Variants in ZNF474 observed in about 807,000 individuals in gnomAD.
ZNF474 encodes the protein 4933409D10Rik.
For missense variants in ZNF474, 511 were observed against 433.8 expected, an observed-to-expected ratio of 1.18 and a Z score of -1.58; for synonymous variants, 192 against 162.2, an observed-to-expected ratio of 1.18 and a Z score of -1.39.
chr5:122,152,278 A>C lies in ZNF474; in HGVS notation c.288A>C (p.Val96=), dbSNP rs771454858. 6.2e-6 allele frequency: 10 copies of C among 1,614,202 alleles called. No homozygotes were observed. The highest frequency in any genetic ancestry group is 7.6e-6 in the Non-Finnish European group (9 of 1,180,032). ...CGGCCCGCAGGCCTGGATTCCGGGT[A>C]TGCTATATCTGTGGCCGAGAATTTG... ...VIPARRPGFR[V]CYICGREFGS... The change falls in exon 2 of 2, where the codon GTA becomes GTC. Residue 96 remains valine, a synonymous_variant. Coordinates refer to ENST00000296600, the MANE Select transcript of ZNF474 (RefSeq NM_207317.3).
Position 122,153,121 on chromosome 5 carries a change from C to T in ZNF474, c.*36C>T, listed in dbSNP as rs754672080. ...GAAAACTATCCCCAGAATCAGCCAC[C>T]TCAGCCCCTAGTATTTTTTCTATCA... is the stretch of plus-strand genomic sequence containing the variant. On this transcript the variant is annotated 3_prime_UTR_variant, in exon 2 of 2. Transcript: ENST00000296600. 1.9e-6 allele frequency: 3 copies of T among 1,564,012 alleles called. No homozygotes were observed. The highest frequency in any genetic ancestry group is 2.6e-6 in the Non-Finnish European group (3 of 1,157,722).
At chr5:122,148,762 G>A (rs1308320937) in intron 1 of ZNF474, among the ~76,000 whole-genome samples, 1 of 151,416 alleles carries the variant, frequency 6.6e-6, no homozygotes, top group Admixed American at 6.6e-5. Context: ...TTGAGATGGA[G>A]TTTCACTCTT....
At position 122,153,384 on chromosome 5, in the gene ZNF474, A is replaced by G. The variant is rs939934445; in HGVS notation, c.*299A>G. ...AATGAGTCATTAATGCTGTGTCTACATTACAGAGATATAATTCCCATTCCA... is the reference window on the plus strand; with the variant it reads ...AATGAGTCATTAATGCTGTGTCTACGTTACAGAGATATAATTCCCATTCCA... On this transcript the variant is annotated 3_prime_UTR_variant, in exon 2 of 2. Transcript: ENST00000296600. 3.1e-6 allele frequency: 1 copy of G among 320,722 alleles called. No homozygotes were observed. Among genetic ancestry groups the G allele is most frequent in the Non-Finnish European group, 6.0e-6 (1 of 166,454 alleles). 19.9% of individuals were successfully genotyped at this position (320,722 alleles called of 1,614,324 possible). A position where few individuals can be genotyped will look rare whatever the true frequency, so the allele number is the denominator to read the frequency against.
intron 1 of ZNF474, among the ~76,000 whole-genome samples, chr5:122,150,812 A>T (rs536453204): frequency 1.1e-4 from 16 of 152,248 alleles, no homozygotes; most frequent in African/African-American, 3.9e-4. Flanking sequence ...TTTTATATTT[A>T]AAAATATTTG....
intron 1 of ZNF474, among the ~76,000 whole-genome samples, chr5:122,132,615 A>G (rs1193184594): frequency 6.6e-6 from 1 of 151,934 alleles, no homozygotes; most frequent in African/African-American, 2.4e-5. Flanking sequence ...AAGTTTTATC[A>G]TTTTTGCTTT....
chr5:122,141,170 A>ATTTTATTTTATT (rs1167769955), intron 1 of ZNF474, among the ~76,000 whole-genome samples: 2 of 18,038 alleles, frequency 1.1e-4, no homozygotes, highest in Admixed American at 6.4e-4. Flanking sequence ...ATTTTATTTT[A>ATTTTATTTTATT]TTTTTGGAAA....
At chr5:122,146,065 G>A (rs191884887) in intron 1 of ZNF474, among the ~76,000 whole-genome samples, 181 of 152,226 alleles carry the variant, frequency 1.2e-3, no homozygotes, top group Admixed American at 3.7e-3. Flanking sequence ...AGTGTTGCTG[G>A]AATAATGCTC....
intron 1 of ZNF474, among the ~76,000 whole-genome samples, chr5:122,142,229 A>G (rs1051319442): frequency 2.6e-5 from 4 of 152,232 alleles, no homozygotes; most frequent in Non-Finnish European, 4.4e-5. Flanking sequence ...AGTGAAATAG[A>G]ACACAGAAGA....
At chr5:122,132,607 G>T (rs866441657) in intron 1 of ZNF474, among the ~76,000 whole-genome samples, 7 of 151,922 alleles carry the variant, frequency 4.6e-5, no homozygotes, top group African/African-American at 1.7e-4. Context: ...TCTTCTTAAA[G>T]TTTTATCATT....
intron 1 of ZNF474, among the ~76,000 whole-genome samples, chr5:122,138,690 T>C (rs921456214): frequency 6.6e-6 from 1 of 152,302 alleles, no homozygotes; most frequent in Admixed American, 6.5e-5. Flanking sequence ...GATTAATTAC[T>C]AAATGAAGAT....
At position 122,152,904 on chromosome 5, in the gene ZNF474, G is replaced by T; in HGVS notation, c.914G>T (p.Ser305Ile). Residue 305 changes from serine to isoleucine, a missense_variant, in exon 2 of 2, where the codon AGT becomes ATT. Physicochemically the swap from Ser to Ile is moderately radical, Grantham distance 142. Coordinates refer to ENST00000296600, the MANE Select transcript of ZNF474 (RefSeq NM_207317.3). ...TSDRLLVHQR[S>I]CKTHPYGPKY... ...GACCGCCTCCTGGTACACCAGAGAA[G>T]TTGTAAAACTCATCCTTATGGGCCA... is the stretch of plus-strand genomic sequence containing the variant. 1.2e-6 allele frequency: 2 copies of T among 1,613,854 alleles called. No individual in the cohort carries two copies. Among genetic ancestry groups the T allele is most frequent in the Non-Finnish European group, 1.7e-6 (2 of 1,180,034 alleles).
At chr5:122,141,814 C>T (rs929888003) in intron 1 of ZNF474, among the ~76,000 whole-genome samples, 2 of 152,096 alleles carry the variant, frequency 1.3e-5, no homozygotes, top group African/African-American at 4.8e-5. Context: ...TCAAGAGGTG[C>T]CTGCATTTTT....
rs765589849 is a variant in ZNF474, at chr5:122,152,710, G to A, written c.720G>A (p.Glu240=). The part of the protein sequence containing the change: ...EFGTLSLPIH[E]PKCLEKWKME... ...GCACCCTGTCCCTTCCTATTCATGA[G>A]CCCAAATGCCTGGAAAAGTGGAAAA... is the stretch of plus-strand genomic sequence containing the variant. Residue 240 remains glutamate (E), a synonymous_variant, in exon 2 of 2, where the codon GAG becomes GAA. Coordinates refer to ENST00000296600, the MANE Select transcript of ZNF474 (RefSeq NM_207317.3). 7 of 1,613,998 alleles carry A rather than the reference G, an allele frequency of 4.3e-6. No homozygotes were observed. The highest frequency in any genetic ancestry group is 4.0e-5 in the African/African-American group (3 of 74,890).
At chr5:122,149,885 CTGTGTGTG>C (rs35051222) in intron 1 of ZNF474, among the ~76,000 whole-genome samples, 2 of 141,482 alleles carry the variant, frequency 1.4e-5, no homozygotes, top group African/African-American at 5.4e-5. Flanking sequence ...AGAATTGACT[CTGTGTGTG>C]TGTGTGTGTG....
intron 1 of ZNF474, among the ~76,000 whole-genome samples, chr5:122,135,617 G>A (rs1295695809): frequency 6.6e-6 from 1 of 152,124 alleles, no homozygotes; most frequent in Non-Finnish European, 1.5e-5. Flanking sequence ...ACTACAATAT[G>A]ATCCAGCAAA....
intron 1 of ZNF474, among the ~76,000 whole-genome samples, chr5:122,140,296 G>T (rs1479603289): frequency 2.0e-5 from 3 of 152,128 alleles, no homozygotes; most frequent in Admixed American, 6.6e-5. Context: ...TAAAACTGAG[G>T]ATTCTGACTT....
chr5:122,139,045 T>C (rs1324645825), intron 1 of ZNF474, among the ~76,000 whole-genome samples: 1 of 152,226 alleles, frequency 6.6e-6, no homozygotes, highest in East Asian at 1.9e-4. Flanking sequence ...TCAAAAGTAC[T>C]AAATGATTGT....
chr5:122,141,570 G>T (rs993939623), intron 1 of ZNF474, among the ~76,000 whole-genome samples: 1 of 152,008 alleles, frequency 6.6e-6, no homozygotes, highest in Non-Finnish European at 1.5e-5. Flanking sequence ...GCCTCCCAAA[G>T]TGCTGGGATT....
rs1357610789 is a variant in ZNF474 at position 122,129,673 on chromosome 5, A to G, written c.-223A>G. 1.3e-5 allele frequency: 2 copies of G among 152,284 alleles called. No homozygotes were observed. Among genetic ancestry groups the G allele is most frequent in the African/African-American group, 4.8e-5 (2 of 41,462 alleles). 9.4% of individuals were successfully genotyped at this position (152,284 alleles called of 1,614,324 possible). On this transcript the variant is annotated 5_prime_UTR_variant, in exon 1 of 2. Transcript: ENST00000296600. ...TGCTCAGCATGCCATGCTAAAAGGCAAAATAAAAAGGTAAAGAACAAATGT... is the reference window on the plus strand; with the variant it reads ...TGCTCAGCATGCCATGCTAAAAGGCGAAATAAAAAGGTAAAGAACAAATGT...
Sources: gnomAD v4.1 joint callset for allele counts (sites outside exome capture counted in the v4.1 genomes callset) on GRCh38, gnomAD v4.1.1 for gene constraint, MANE v1.5 for transcripts, NCBI Gene and HGNC (gene_info 2026-07-23, HGNC 2026-07-21) for gene names.